Variants in PCTP observed in about 807,000 individuals in gnomAD.
The protein encoded by PCTP is START domain-containing protein 2.
In PCTP, 27 loss-of-function variants were observed where a neutral mutation model predicts 31.0. That is an observed-to-expected ratio of 0.87 (90% CI 0.64 to 1.20). The LOEUF (loss-of-function observed/expected upper bound fraction) is 1.20. Among genes scored for constraint, PCTP ranks in the 50% most tolerant of loss-of-function variants. PCTP has a pLI of 0.00. For synonymous variants in PCTP, 108 were observed against 101.2 expected (o/e 1.07, Z -0.40); for missense variants, 287 against 268.2 (o/e 1.07, Z -0.49).
intron 1 of PCTP, among the ~76,000 whole-genome samples, chr17:55,757,754 A>G (rs988113582): frequency 6.6e-6 from 1 of 152,196 alleles, no homozygotes; most frequent in Non-Finnish European, 1.5e-5. Context: ...TTTGAGAACC[A>G]CTGGTGGATG....
chr17:55,790,985 C>T (rs1333618398), intron 3 of PCTP, among the ~76,000 whole-genome samples: 1 of 151,752 alleles, frequency 6.6e-6, no homozygotes, highest in Non-Finnish European at 1.5e-5. Flanking sequence ...GAACAGAGCC[C>T]TCAGAAATAA....
At chr17:55,775,180 C>T in intron 5 of PCTP, 1 of 1,218,622 alleles carries the variant, frequency 8.2e-7, no homozygotes, top group Non-Finnish European at 1.1e-6. Context: ...CCTTTGGAGC[C>T]TATATTCCTC....
chr17:55,785,272 G>T (rs1057127131), intron 2 of PCTP, among the ~76,000 whole-genome samples: 1 of 152,266 alleles, frequency 6.6e-6, no homozygotes. Context: ...CTGGCCAAGA[G>T]CCAACTAGTA....
At chr17:55,795,715 A>T (rs1410217221) in intron 3 of PCTP, among the ~76,000 whole-genome samples, 1 of 152,098 alleles carries the variant, frequency 6.6e-6, no homozygotes, top group Non-Finnish European at 1.5e-5. Flanking sequence ...CACATAGTAG[A>T]TATTAAAAAA....
chr17:55,771,031 C>A, intron 2 of PCTP, 75 bp from the exon 3 acceptor site: 4 of 1,138,602 alleles, frequency 3.5e-6, no homozygotes, highest in Admixed American at 1.7e-5. Context: ...CCATGCTTGG[C>A]CTAAGAGGTC....
downstream of PCTP, among the ~76,000 whole-genome samples, chr17:55,781,984 C>T (rs1045789014): frequency 1.3e-5 from 2 of 151,952 alleles, no homozygotes; most frequent in African/African-American, 4.8e-5. Context: ...TTATGGAGGC[C>T]GAGAAGTCCC....
intron 3 of PCTP, among the ~76,000 whole-genome samples, chr17:55,804,344 T>G (rs1301907504): frequency 3.3e-5 from 5 of 152,126 alleles, no homozygotes; most frequent in African/African-American, 9.7e-5. Context: ...TGCCATTTGA[T>G]CCAGCAATCC....
In PCTP at chr17:55,776,110, C is replaced by A. The variant is rs776312472; in HGVS notation, c.*10C>A. On this transcript the variant is annotated 3_prime_UTR_variant, in exon 6 of 6. Transcript: ENST00000268896. ...CCTCAAGAAAACCTAAGAAAGAGAA[C>A]TGGGAACATTGCATCCATGGGTTGA... is the stretch of plus-strand genomic sequence containing the variant. 38 of 1,613,840 alleles carry A rather than the reference C, an allele frequency of 2.4e-5. 1 individual carries two copies. In the South Asian group the frequency reaches 4.0e-4, roughly 17 times the overall value.
chr17:55,844,820 TGGCTCAC>T (rs1249908792), downstream of PCTP, among the ~76,000 whole-genome samples: 1 of 151,944 alleles, frequency 6.6e-6, no homozygotes, highest in African/African-American at 2.4e-5. Context: ...CCAGGCGCGG[TGGCTCAC>T]GCCTAAAATC....
chr17:55,851,138 C>T, the PCTP span, among the ~76,000 whole-genome samples: 2 of 152,066 alleles, frequency 1.3e-5, no homozygotes, highest in Non-Finnish European at 2.9e-5. Context: ...GAGCTCTGGC[C>T]ATTGATGCCA....
chr17:55,806,221 T>G (rs756961477), intron 3 of PCTP, among the ~76,000 whole-genome samples: 23 of 152,016 alleles, frequency 1.5e-4, no homozygotes, highest in Non-Finnish European at 2.8e-4. Flanking sequence ...GGTTTCATAT[T>G]TGAGAGTGAT....
At chr17:55,783,518 C>A (rs7215926) in intron 2 of PCTP, among the ~76,000 whole-genome samples, 24,408 of 152,106 alleles carry the variant, frequency 0.16, 4,686 homozygotes, top group African/African-American at 0.46. Flanking sequence ...GGAAACCAAT[C>A]AGGACAAAAA....
intron 3 of PCTP, among the ~76,000 whole-genome samples, chr17:55,801,757 A>G (rs1912391884): frequency 6.6e-6 from 1 of 152,234 alleles, no homozygotes; most frequent in Non-Finnish European, 1.5e-5. Context: ...CCACAGGAGA[A>G]AGTGGGCAAG....
At chr17:55,805,345 A>G (rs1249893015) in intron 3 of PCTP, among the ~76,000 whole-genome samples, 1 of 152,052 alleles carries the variant, frequency 6.6e-6, no homozygotes, top group Non-Finnish European at 1.5e-5. Flanking sequence ...CAATTTTTCA[A>G]CCTTGTCCTC....
chr17:55,811,586 G>A (rs1912752491), intron 3 of PCTP, among the ~76,000 whole-genome samples: 1 of 152,298 alleles, frequency 6.6e-6, no homozygotes, highest in Non-Finnish European at 1.5e-5. Context: ...TGGCTGGAGA[G>A]CATTGCCTGT....
chr17:55,830,545 T>C lies in PCTP; in HGVS notation n.505+7618T>C, dbSNP rs1905560021. Reference sequence around the variant, plus strand: ...AAAATTGGTTGGTAAAATTCCACATTCTGACAGGAAAAATAACATCGTTTT... The same window carrying C: ...AAAATTGGTTGGTAAAATTCCACATCCTGACAGGAAAAATAACATCGTTTT... On this transcript the variant is annotated intron_variant and non_coding_transcript_variant, in intron 5 of 5. Transcript: ENST00000576221. Among the ~76,000 whole-genome samples, 3 of 152,190 alleles carry C rather than the reference T, an allele frequency of 2.0e-5. No homozygotes were observed. The South Asian group carries it at 6.2e-4, about 31-fold the overall frequency.
intron 3 of PCTP, among the ~76,000 whole-genome samples, chr17:55,815,109 T>G (rs1912874946): frequency 6.6e-6 from 1 of 152,234 alleles, no homozygotes; most frequent in African/African-American, 2.4e-5. Flanking sequence ...TTATGTGCAT[T>G]GCTGCTTGGA....
intron 3 of PCTP, among the ~76,000 whole-genome samples, chr17:55,805,596 A>G (rs551095901): frequency 3.9e-5 from 6 of 152,038 alleles, no homozygotes; most frequent in African/African-American, 1.4e-4. Flanking sequence ...ATATGTATAT[A>G]TATACATATA....
At chr17:55,780,128 A>G (rs1251548593), downstream of PCTP, among the ~76,000 whole-genome samples, 1 of 151,756 alleles carries the variant, frequency 6.6e-6, no homozygotes, top group Non-Finnish European at 1.5e-5. Flanking sequence ...CAGAAGCATA[A>G]CATATTGTTT....
Sources: allele counts gnomAD v4.1 joint callset (sites outside exome capture counted in the v4.1 genomes callset), GRCh38; gene constraint gnomAD v4.1.1; transcripts MANE v1.5; gene names NCBI Gene and HGNC (gene_info 2026-07-23, HGNC 2026-07-21).